The following MYOM3 variants were observed in gnomAD, a reference collection of about 807,000 sequenced individuals.
The protein encoded by MYOM3 is myomesin-3.
In MYOM3, 155 loss-of-function variants were observed where a neutral mutation model predicts 191.7. The ratio of observed to expected loss-of-function variants is 0.81; its 90% CI spans 0.71 to 0.92. MYOM3 has a LOEUF of 0.92. Ranked by LOEUF, MYOM3 falls within the 40% of genes least tolerant of loss-of-function variation. The pLI is 0.00. For synonymous variants in MYOM3, 757 were observed against 762.9 expected (o/e 0.99, Z 0.13); for missense variants, 1,889 against 1,890.6 (o/e 1.00, Z 0.02).
At chr1:24,096,466 G>A (rs1346585904) in intron 7 of MYOM3, among the ~76,000 whole-genome samples, 3 of 152,172 alleles carry the variant, frequency 2.0e-5, no homozygotes, top group African/African-American at 7.2e-5. Flanking sequence ...GCAGAGGGAG[G>A]CAGGGCCCCA....
rs543798244 is a variant in MYOM3 at position 24,108,322 on chromosome 1, T to C, written c.161+154A>G. 26 of 879,646 alleles carry C rather than the reference T, an allele frequency of 3.0e-5. No homozygotes were observed. The Admixed American group carries it at 3.1e-4, about 11-fold the overall frequency. 54.5% of individuals were successfully genotyped at this position (879,646 alleles called of 1,614,324 possible). A position where few individuals can be genotyped will look rare whatever the true frequency, so the allele number is the denominator to read the frequency against. ...CACATGGGGGTCTCCAGAGAGCCAA[T>C]TGTGTCTCCCCCCTCAGACAGGGGG... On this transcript the variant is annotated intron_variant, in intron 2 of 36. Coordinates refer to ENST00000374434, the MANE Select transcript of MYOM3 (RefSeq NM_152372.4).
At chr1:24,091,079 G>T (rs1329826589) in intron 11 of MYOM3, 83 bp from the exon 12 acceptor site, 16 of 1,460,848 alleles carry the variant, frequency 1.1e-5, no homozygotes, top group Non-Finnish European at 1.4e-5. Flanking sequence ...GCCTTTCTCT[G>T]ACTGGGGGAG....
chr1:24,070,068 A>T (rs1416982398), intron 25 of MYOM3, among the ~76,000 whole-genome samples: 1 of 152,210 alleles, frequency 6.6e-6, no homozygotes, highest in Non-Finnish European at 1.5e-5. Context: ...ATCTAATACA[A>T]CCTATCTACA....
In MYOM3 at chr1:24,107,890, G is replaced by A. The variant is rs928500751; in HGVS notation, c.242+103C>T. ...CCTTATTCTAGATGTGGGATTTTGGGCAGGTTCTTTACACTCGGGGTGAAA... is the reference window on the plus strand; with the variant it reads ...CCTTATTCTAGATGTGGGATTTTGGACAGGTTCTTTACACTCGGGGTGAAA... On this transcript the variant is annotated intron_variant, in intron 3 of 36. Coordinates refer to ENST00000374434, the MANE Select transcript of MYOM3 (RefSeq NM_152372.4). 4 of 980,220 alleles carry A rather than the reference G, an allele frequency of 4.1e-6. No homozygotes were observed. The East Asian group carries it at 9.7e-5, about 24-fold the overall frequency. 60.7% of individuals were successfully genotyped at this position (980,220 alleles called of 1,614,324 possible). A position where few individuals can be genotyped will look rare whatever the true frequency, so the allele number is the denominator to read the frequency against.
chr1:24,083,599 C>A (rs566208170), intron 16 of MYOM3: 1 of 152,348 alleles, frequency 6.6e-6, no homozygotes, highest in Non-Finnish European at 1.5e-5. Flanking sequence ...TCTAGAGAAC[C>A]CTGACTGATA....
At chr1:24,059,895 C>T (rs928196385) in intron 35 of MYOM3, among the ~76,000 whole-genome samples, 1 of 152,088 alleles carries the variant, frequency 6.6e-6, no homozygotes, top group Non-Finnish European at 1.5e-5. Context: ...GATCCCGATG[C>T]GGATGGTGTC....
In MYOM3 at chr1:24,080,164, A is replaced by C; in HGVS notation, c.2438T>G (p.Val813Gly). 6.2e-7 allele frequency: 1 copy of C among 1,613,368 alleles called. No homozygotes were observed. Among genetic ancestry groups the C allele is most frequent in the Non-Finnish European group, 8.5e-7 (1 of 1,179,704 alleles). Reference protein sequence around the residue: ...GPPYDVRASEVRATSLVLQWE... With the variant: ...GPPYDVRASEGRATSLVLQWE... ...CTGCAGCACCAGGGATGTGGCCCGC[A>C]CCTCGGATGCCCGTACATCGTACGG... The change falls in exon 20 of 37, where the codon GTG becomes GGG. Residue 813 changes from valine to glycine, a missense_variant. Transcript: ENST00000374434.
intron 36 of MYOM3, among the ~76,000 whole-genome samples, chr1:24,058,409 T>C (rs1008449154): frequency 1.3e-5 from 2 of 152,180 alleles, no homozygotes; most frequent in African/African-American, 4.8e-5. Flanking sequence ...CTGTGTGACC[T>C]TAGGTCTCTT....
rs1319868168 is a variant in MYOM3 at position 24,108,033 on chromosome 1, C to T, written c.202G>A (p.Ala68Thr). The T allele has an allele frequency of 3.1e-6, 5 of 1,613,818 alleles. No individual in the cohort carries two copies. The highest frequency in any genetic ancestry group is 4.2e-6 in the Non-Finnish European group (5 of 1,179,870). ...HEFSAADYAL[A>T]AALALTASSE... The stretch of plus-strand genomic sequence containing the variant: ...GAGGCCGTCAGAGCCAGGGCTGCTG[C>T]CAGGGCGTAGTCCGCGGCGCTGAAC... The change falls in exon 3 of 37, where the codon GCA (alanine) becomes ACA (threonine). Residue 68 changes from alanine (A) to threonine (T), a missense_variant. Transcript: ENST00000374434.
intron 20 of MYOM3, among the ~76,000 whole-genome samples, chr1:24,077,642 G>A (rs964281439): frequency 6.6e-6 from 1 of 152,238 alleles, no homozygotes; most frequent in African/African-American, 2.4e-5. Context: ...TTATCACGCA[G>A]TATTGTTATT....
At chr1:24,065,007 G>A (rs1250231879) in intron 29 of MYOM3, among the ~76,000 whole-genome samples, 1 of 152,172 alleles carries the variant, frequency 6.6e-6, no homozygotes, top group East Asian at 1.9e-4. Flanking sequence ...GTAAAATCAT[G>A]GCATCATCCT....
intron 25 of MYOM3, among the ~76,000 whole-genome samples, chr1:24,068,793 G>T (rs764043670): frequency 1.5e-4 from 22 of 151,706 alleles, no homozygotes; most frequent in African/African-American, 5.1e-4. Flanking sequence ...GCGCAATCTC[G>T]GCTCACTGCA....
At chr1:24,061,332 T>A (rs7553075) in intron 33 of MYOM3, 23 bp from the exon 34 acceptor site, 400,082 of 1,611,278 alleles carry the variant, frequency 0.25, 55,783 homozygotes, top group African/African-American at 0.48. Flanking sequence ...CAGAGGAGAA[T>A]GGGGGCCATC....
rs895375258 is a variant in MYOM3 at position 24,074,227 on chromosome 1, G to A, written c.2901C>T (p.Gly967=). 3.1e-6 allele frequency: 5 copies of A among 1,613,990 alleles called. No individual in the cohort carries two copies. The African/African-American group carries it at 5.3e-5, about 17-fold the overall frequency. The change falls in exon 23 of 37, where the codon GGC becomes GGT. Residue 967 remains glycine (G), a synonymous_variant. Coordinates refer to ENST00000374434, the MANE Select transcript of MYOM3 (RefSeq NM_152372.4). ...ILKEPGLEDL[G]TYSVIVTDAD... is the part of the protein sequence containing the mutation. ...CATCAGTGACTATGACTGAGTAGGT[G>A]CCCAAATCCTCGAGGCCGGGTTCTT...
chr1:24,080,266 C>G (rs1042638553), intron 19 of MYOM3, 72 bp from the exon 20 acceptor site: 1 of 1,242,136 alleles, frequency 8.1e-7, no homozygotes. Flanking sequence ...AAGCAGCAAG[C>G]CCAGCAGTCA....
rs780458567 is a variant in MYOM3, at chr1:24,071,159, C to T, written c.3108G>A (p.Glu1036=). The change falls in exon 25 of 37, where the codon GAG becomes GAA. Residue 1036 remains glutamate, a synonymous_variant. Coordinates refer to ENST00000374434, the MANE Select transcript of MYOM3 (RefSeq NM_152372.4). ...CCTTGTTGTTGAAGATTAGATGTAG[C>T]TCAGCGGCTGGAGATAACTTTTCTA... ...LEVEKLSPAA[E]LHLIFNNKEI... The T allele has an allele frequency of 6.2e-7, 1 of 1,614,210 alleles. No individual in the cohort carries two copies. Among genetic ancestry groups the T allele is most frequent in the Non-Finnish European group, 8.5e-7 (1 of 1,180,028 alleles).
Position 24,063,568 on chromosome 1 carries a change from G to C in MYOM3, c.3623-38C>G, listed in dbSNP as rs769424401. The C allele has an allele frequency of 3.1e-6, 5 of 1,612,900 alleles. No individual in the cohort carries two copies. The Admixed American group carries it at 6.7e-5, about 22-fold the overall frequency. ...AGAGAGAAGGGTTAGCTGGCATAGG[G>C]CTCCCCTAGGGATGTGCTAGGAGTG... On this transcript the variant is annotated intron_variant, in intron 30 of 36. Transcript: ENST00000374434. This position sits in a 1 kb window ranked among gnomAD's most constrained non-coding sequence, Gnocchi z 4.5.
Position 24,064,129 on chromosome 1 carries a change from C to T in MYOM3, c.3565G>A (p.Ala1189Thr). Residue 1189 changes from alanine (A) to threonine (T), a missense_variant, in exon 30 of 37, where the codon GCG becomes ACG. By Grantham distance (58) the Ala-to-Thr change is moderately conservative (BLOSUM62 0). Transcript: ENST00000374434. ...TCCCCTCGATCGTCAGAAACCATCGCTCTGTAAATTCCCTTGTCCTTTTTG... is the reference window on the plus strand; with the variant it reads ...TCCCCTCGATCGTCAGAAACCATCGTTCTGTAAATTCCCTTGTCCTTTTTG... The part of the protein sequence containing the change: ...LSKKDKGIYR[A>T]MVSDDRGEDD... 2 of 1,614,046 alleles carry T rather than the reference C, an allele frequency of 1.2e-6. No individual in the cohort carries two copies. The highest frequency in any genetic ancestry group is 1.7e-6 in the Non-Finnish European group (2 of 1,179,988).
At chr1:24,075,293 G>A (rs199515384) in intron 22 of MYOM3, 26 bp downstream of exon 22, 89 of 1,610,560 alleles carry the variant, frequency 5.5e-5, no homozygotes, top group Non-Finnish European at 7.1e-5. Flanking sequence ...CCGTTGAGCA[G>A]TTGTTTCTCC....
Sources: gnomAD v4.1 joint callset for allele counts (sites outside exome capture counted in the v4.1 genomes callset) on GRCh38, gnomAD v4.1.1 for gene constraint, Gnocchi (gnomAD v3.1) non-coding constraint, MANE v1.5 for transcripts, NCBI Gene and HGNC (gene_info 2026-07-23, HGNC 2026-07-21) for gene names.